Variants in ISM1 observed in about 807,000 individuals in gnomAD.
The protein encoded by ISM1 is isthmin-1.
In ISM1, 25 loss-of-function variants were observed where a neutral mutation model predicts 46.3. The observed-to-expected ratio is 0.54, with a 90% CI of 0.39 to 0.75. ISM1 has a LOEUF of 0.75. ISM1 is among the 30% of genes least tolerant of loss of function. The pLI is 0.00. For missense variants in ISM1, 536 were observed against 625.4 expected, an observed-to-expected ratio of 0.86 and a Z score of 1.52; for synonymous variants, 255 against 256.7, an observed-to-expected ratio of 0.99 and a Z score of 0.06.
At chr20:13,280,560 G>T (rs2040228695) in intron 3 of ISM1, among the ~76,000 whole-genome samples, 1 of 152,198 alleles carries the variant, frequency 6.6e-6, no homozygotes, top group Non-Finnish European at 1.5e-5. Flanking sequence ...CAGTCATTCA[G>T]GGATCCAGCC....
intron 4 of ISM1, among the ~76,000 whole-genome samples, chr20:13,290,188 T>C (rs529849941): frequency 5.3e-5 from 8 of 152,040 alleles, no homozygotes; most frequent in Non-Finnish European, 1.2e-4. Context: ...CCCATGCTCA[T>C]TAGGATGAGC....
chr20:13,294,819 G>A (rs2040391056), intron 5 of ISM1, among the ~76,000 whole-genome samples: 1 of 152,172 alleles, frequency 6.6e-6, no homozygotes, highest in Non-Finnish European at 1.5e-5. Flanking sequence ...GCAACTTTAT[G>A]AGAGAAGTGC....
chr20:13,247,454 AC>A (rs1253995552), intron 1 of ISM1, among the ~76,000 whole-genome samples: 2 of 150,972 alleles, frequency 1.3e-5, no homozygotes. Flanking sequence ...GGTTCCAATG[AC>A]CCAGGACACC....
intron 1 of ISM1, among the ~76,000 whole-genome samples, chr20:13,223,685 T>A (rs911589971): frequency 1.8e-4 from 28 of 152,344 alleles, no homozygotes; most frequent in African/African-American, 6.3e-4. Flanking sequence ...CGTGGGTAGA[T>A]AAGTACAGTG....
chr20:13,313,774 CAG>C, the ISM1 span, among the ~76,000 whole-genome samples: 3 of 152,094 alleles, frequency 2.0e-5, no homozygotes, highest in Admixed American at 6.5e-5. Flanking sequence ...TTTAAAGAAA[CAG>C]AGCAAGCCAT....
At chr20:13,235,330 C>G (rs1268708851) in intron 1 of ISM1, among the ~76,000 whole-genome samples, 1 of 152,210 alleles carries the variant, frequency 6.6e-6, no homozygotes, top group African/African-American at 2.4e-5. Flanking sequence ...TCACAAGATC[C>G]AACAGACTAG....
At chr20:13,322,101 G>C in the ISM1 span, among the ~76,000 whole-genome samples, 3 of 152,182 alleles carry the variant, frequency 2.0e-5, no homozygotes, top group Non-Finnish European at 4.4e-5. Context: ...AAAAGTACAA[G>C]TACCGTTTTG....
the ISM1 span, among the ~76,000 whole-genome samples, chr20:13,308,951 G>A: frequency 6.6e-6 from 1 of 152,070 alleles, no homozygotes; most frequent in African/African-American, 2.4e-5. Flanking sequence ...AGGACTCTCA[G>A]CAAAATCTGG....
the ISM1 span, among the ~76,000 whole-genome samples, chr20:13,316,275 T>A: frequency 6.6e-6 from 1 of 151,960 alleles, no homozygotes; most frequent in Non-Finnish European, 1.5e-5. Context: ...GGTCTATATC[T>A]ATTAAGGAAA....
At chr20:13,274,271 G>T (rs2040149508) in intron 2 of ISM1, among the ~76,000 whole-genome samples, 1 of 152,102 alleles carries the variant, frequency 6.6e-6, no homozygotes, top group African/African-American at 2.4e-5. Flanking sequence ...TTCTTTTGTT[G>T]AAATCCACTG....
At chr20:13,252,968 C>T (rs2039884604) in intron 1 of ISM1, among the ~76,000 whole-genome samples, 1 of 152,178 alleles carries the variant, frequency 6.6e-6, no homozygotes. Flanking sequence ...TCTGCCAGAC[C>T]TCTGAGCTAG....
intron 1 of ISM1, among the ~76,000 whole-genome samples, chr20:13,223,169 A>T (rs970945567): frequency 6.8e-4 from 99 of 145,268 alleles, no homozygotes; most frequent in Middle Eastern, 3.4e-3. Flanking sequence ...AAAAAAAATA[A>T]AATAAAATAA....
chr20:13,310,241 G>T, the ISM1 span, among the ~76,000 whole-genome samples: 1 of 152,134 alleles, frequency 6.6e-6, no homozygotes, highest in Non-Finnish European at 1.5e-5. Context: ...TAAATCAATG[G>T]AGCAGAATAG....
At chr20:13,269,449 C>G (rs1002553590) in intron 1 of ISM1, among the ~76,000 whole-genome samples, 1 of 152,208 alleles carries the variant, frequency 6.6e-6, no homozygotes, top group African/African-American at 2.4e-5. Flanking sequence ...AATGCCTTTT[C>G]GTGACTTTTT....
intron 1 of ISM1, among the ~76,000 whole-genome samples, chr20:13,246,322 C>T (rs2039793880): frequency 6.6e-6 from 1 of 151,778 alleles, no homozygotes; most frequent in Non-Finnish European, 1.5e-5. Flanking sequence ...GAAATGGGCC[C>T]ACTTCTGAAC....
chr20:13,241,679 A>G (rs930364803), intron 1 of ISM1, among the ~76,000 whole-genome samples: 1 of 152,202 alleles, frequency 6.6e-6, no homozygotes, highest in Non-Finnish European at 1.5e-5. Flanking sequence ...GAGAGAAGAT[A>G]TAAAATGGTC....
the ISM1 span, among the ~76,000 whole-genome samples, chr20:13,306,829 G>A: frequency 6.6e-6 from 1 of 152,108 alleles, no homozygotes; most frequent in African/African-American, 2.4e-5. Context: ...CCAAGGGATG[G>A]GGACTCTGGT....
At chr20:13,306,389 A>C in the ISM1 span, among the ~76,000 whole-genome samples, 1 of 152,096 alleles carries the variant, frequency 6.6e-6, no homozygotes, top group Non-Finnish European at 1.5e-5. Flanking sequence ...AGGGAATGTT[A>C]GCAAATTTTA....
At chr20:13,291,504 C>G (rs1335346392) in intron 4 of ISM1, among the ~76,000 whole-genome samples, 1 of 152,160 alleles carries the variant, frequency 6.6e-6, no homozygotes, top group Non-Finnish European at 1.5e-5. Context: ...GGGAAACCAG[C>G]AGGGAAGGCC....
Sources: gnomAD v4.1 joint callset for allele counts (sites outside exome capture counted in the v4.1 genomes callset) on GRCh38, gnomAD v4.1.1 for gene constraint, MANE v1.5 for transcripts, NCBI Gene and HGNC (gene_info 2026-07-23, HGNC 2026-07-21) for gene names.